Variants in FSTL5 observed in about 807,000 individuals in gnomAD.
FSTL5 encodes follistatin like 5.
In FSTL5, 62 loss-of-function variants were observed where a neutral mutation model predicts 89.1. The observed-to-expected ratio is 0.70, with a 90% CI of 0.57 to 0.86. The LOEUF (loss-of-function observed/expected upper bound fraction) is 0.86, where lower values mean the gene tolerates loss of function less well. FSTL5 is among the 40% of genes least tolerant of loss of function. The pLI is 0.00. For missense variants in FSTL5, 1,057 were observed against 1,001.6 expected, an observed-to-expected ratio of 1.06 and a Z score of -0.75; for synonymous variants, 383 against 346.2, an observed-to-expected ratio of 1.11 and a Z score of -1.18.
intron 4 of FSTL5, among the ~76,000 whole-genome samples, chr4:161,826,704 A>G (rs1204003262): frequency 6.6e-6 from 1 of 152,166 alleles, no homozygotes; most frequent in Admixed American, 6.5e-5. Context: ...ACATAAGAAT[A>G]GCAACTCCTG....
chr4:161,822,499 T>C (rs1272250874), intron 4 of FSTL5, among the ~76,000 whole-genome samples: 1 of 152,200 alleles, frequency 6.6e-6, no homozygotes, highest in Non-Finnish European at 1.5e-5. Context: ...AATGTGAGGC[T>C]GCAGCTAGAC....
At chr4:161,601,465 G>A (rs1734234912) in intron 7 of FSTL5, among the ~76,000 whole-genome samples, 1 of 151,946 alleles carries the variant, frequency 6.6e-6, no homozygotes, top group Non-Finnish European at 1.5e-5. Flanking sequence ...TGTGAACAAG[G>A]TAGGAACACT....
intron 4 of FSTL5, among the ~76,000 whole-genome samples, chr4:161,798,418 G>T (rs1408020395): frequency 6.6e-6 from 1 of 150,832 alleles, no homozygotes; most frequent in Non-Finnish European, 1.5e-5. Context: ...TAGACTTTTT[G>T]TTAGTTTAGG....
intron 15 of FSTL5, among the ~76,000 whole-genome samples, chr4:161,432,600 G>C (rs1326625951): frequency 6.6e-6 from 1 of 150,950 alleles, no homozygotes; most frequent in Non-Finnish European, 1.5e-5. Context: ...GATCAGAGCA[G>C]AAGTAAATTA....
intron 2 of FSTL5, among the ~76,000 whole-genome samples, chr4:162,070,377 G>T (rs1331852293): frequency 6.6e-6 from 1 of 151,658 alleles, no homozygotes; most frequent in African/African-American, 2.4e-5. Context: ...AATATCTTTT[G>T]TCTATTTTTG....
intron 9 of FSTL5, among the ~76,000 whole-genome samples, chr4:161,538,692 T>C (rs1314766909): frequency 1.3e-5 from 2 of 152,172 alleles, no homozygotes; most frequent in African/African-American, 4.8e-5. Flanking sequence ...GGTAAATGTA[T>C]ATGAAAGATG....
intron 4 of FSTL5, among the ~76,000 whole-genome samples, chr4:161,782,256 T>C (rs1741699166): frequency 6.6e-6 from 1 of 152,184 alleles, no homozygotes; most frequent in Non-Finnish European, 1.5e-5. Flanking sequence ...TGAATAAACA[T>C]CAAAAAGCAT....
intron 2 of FSTL5, among the ~76,000 whole-genome samples, chr4:162,051,108 G>A (rs1197517690): frequency 6.6e-6 from 1 of 151,522 alleles, no homozygotes; most frequent in African/African-American, 2.4e-5. Context: ...AGGGGAGGAT[G>A]TGTATGTGTA....
intron 4 of FSTL5, among the ~76,000 whole-genome samples, chr4:161,779,719 T>G (rs1211152170): frequency 1.4e-5 from 2 of 142,362 alleles, no homozygotes; most frequent in East Asian, 4.1e-4. Flanking sequence ...AATTAAATAT[T>G]TCATGAATTC....
chr4:162,110,214 T>A (rs991774034), intron 2 of FSTL5, among the ~76,000 whole-genome samples: 1 of 152,024 alleles, frequency 6.6e-6, no homozygotes, highest in Non-Finnish European at 1.5e-5. Flanking sequence ...AATAAATGTG[T>A]GCATTTAGAA....
intron 3 of FSTL5, among the ~76,000 whole-genome samples, chr4:161,960,995 T>A (rs1276936849): frequency 6.6e-6 from 1 of 152,140 alleles, no homozygotes; most frequent in Non-Finnish European, 1.5e-5. Context: ...TCATTAAATA[T>A]AACCATTTAA....
At chr4:162,073,246 ATG>A (rs918826033) in intron 2 of FSTL5, among the ~76,000 whole-genome samples, 14 of 151,212 alleles carry the variant, frequency 9.3e-5, no homozygotes, top group African/African-American at 3.2e-4. Flanking sequence ...TATCATGTGT[ATG>A]TGTGTGTGTG....
chr4:161,898,364 G>T (rs1208077912), intron 4 of FSTL5, among the ~76,000 whole-genome samples: 1 of 151,522 alleles, frequency 6.6e-6, no homozygotes, highest in Non-Finnish European at 1.5e-5. Context: ...CTTGAGTGCA[G>T]GTTTTTTTCT....
At chr4:161,862,790 T>A (rs1731961131) in intron 4 of FSTL5, among the ~76,000 whole-genome samples, 1 of 152,106 alleles carries the variant, frequency 6.6e-6, no homozygotes, top group Non-Finnish European at 1.5e-5. Context: ...CCTCAACAGT[T>A]GTCCCTTGTC....
At chr4:161,386,784 A>C (rs966737409) in intron 15 of FSTL5, 4 of 194,570 alleles carry the variant, frequency 2.1e-5, no homozygotes, top group African/African-American at 9.4e-5. Flanking sequence ...AGACCATGTA[A>C]TATTAAATAA....
At chr4:162,051,259 C>G (rs1048680736) in intron 2 of FSTL5, among the ~76,000 whole-genome samples, 1 of 151,224 alleles carries the variant, frequency 6.6e-6, no homozygotes, top group Non-Finnish European at 1.5e-5. Context: ...TAAGCATCAT[C>G]AACATATAAT....
intron 15 of FSTL5, among the ~76,000 whole-genome samples, chr4:161,440,748 G>A (rs1001497844): frequency 1.3e-5 from 2 of 152,042 alleles, no homozygotes; most frequent in African/African-American, 2.4e-5. Context: ...GGAAATAAAG[G>A]TCTCCATCAC....
chr4:161,500,804 CT>C (rs1361761313), intron 11 of FSTL5, among the ~76,000 whole-genome samples: 5 of 152,048 alleles, frequency 3.3e-5, no homozygotes, highest in Non-Finnish European at 7.4e-5. Context: ...TGTGTGGTGT[CT>C]CAGAAATTCA....
chr4:161,576,277 T>C (rs761293373), intron 8 of FSTL5, among the ~76,000 whole-genome samples: 1 of 152,144 alleles, frequency 6.6e-6, no homozygotes, highest in Admixed American at 6.6e-5. Context: ...GCTATTCTCA[T>C]CAAGTTACCA....
Sources: allele counts gnomAD v4.1 joint callset (sites outside exome capture counted in the v4.1 genomes callset), GRCh38; gene constraint gnomAD v4.1.1; transcripts MANE v1.5; gene names NCBI Gene and HGNC (gene_info 2026-07-23, HGNC 2026-07-21).